WDR70: variants seen among roughly 807,000 people sequenced by gnomAD.
WDR70 encodes WD repeat-containing protein 70.
WDR70 carries 53 observed loss-of-function variants against 88.6 expected under a neutral mutation model. The observed-to-expected ratio is 0.60, with a 90% CI of 0.48 to 0.75. WDR70 has a LOEUF of 0.75. WDR70 is among the 30% of genes least tolerant of loss of function. The pLI is 0.00. For synonymous variants in WDR70, 280 were observed against 270.0 expected (o/e 1.04, Z -0.36); for missense variants, 610 against 823.2 (o/e 0.74, Z 3.17).
chr5:37,498,435 T>C (rs1321992658), intron 8 of WDR70, among the ~76,000 whole-genome samples: 1 of 152,218 alleles, frequency 6.6e-6, no homozygotes, highest in African/African-American at 2.4e-5. Flanking sequence ...TTGAGCCCTC[T>C]TTTGTATTAT....
At chr5:37,415,832 G>A (rs1414186620) in intron 5 of WDR70, among the ~76,000 whole-genome samples, 3 of 150,852 alleles carry the variant, frequency 2.0e-5, no homozygotes, top group African/African-American at 7.3e-5. Context: ...CCTCCCAGAC[G>A]GGGTCGCGGC....
intron 9 of WDR70, among the ~76,000 whole-genome samples, chr5:37,526,811 A>G (rs960425403): frequency 2.0e-5 from 3 of 152,232 alleles, no homozygotes; most frequent in Admixed American, 6.5e-5. Flanking sequence ...TCAACGTGCA[A>G]AAATCACAAG....
chr5:37,401,270 A>T (rs1430656171), intron 5 of WDR70, among the ~76,000 whole-genome samples: 1 of 143,784 alleles, frequency 7.0e-6, no homozygotes, highest in Non-Finnish European at 1.5e-5. Flanking sequence ...TTGGCCTCCC[A>T]AAGTGCTGGG....
chr5:37,397,770 G>A (rs1033353775), intron 5 of WDR70, among the ~76,000 whole-genome samples: 7 of 152,218 alleles, frequency 4.6e-5, no homozygotes, highest in East Asian at 1.9e-4. Context: ...TGAGGTGGGC[G>A]GATCACGAGG....
chr5:37,396,434 G>T lies in WDR70; in HGVS notation c.356G>T (p.Gly119Val). Residue 119 changes from glycine to valine, a missense_variant, in exon 5 of 18, where the codon GGC (glycine) becomes GTC (valine). By Grantham distance (109) the Gly-to-Val change is moderately radical. This residue lies in a region of WDR70 where 203 missense variants were observed against 228.1 expected (regional missense o/e 0.89). Transcript: ENST00000265107. ...SSDSSDDELI[G>V]PPLPPKMVGK... ...GACTCTTCTGATGATGAGTTAATTG[G>T]CCCTCCTTTACCCCCTAAAATGGTA... The T allele has an allele frequency of 2.5e-6, 4 of 1,613,864 alleles. No individual in the cohort carries two copies. The highest frequency in any genetic ancestry group is 3.4e-6 in the Non-Finnish European group (4 of 1,179,950).
At chr5:37,480,706 C>G (rs1479514043) in intron 8 of WDR70, among the ~76,000 whole-genome samples, 1 of 152,142 alleles carries the variant, frequency 6.6e-6, no homozygotes, top group African/African-American at 2.4e-5. Context: ...GGGGACACAG[C>G]CAAACCATTT....
intron 9 of WDR70, among the ~76,000 whole-genome samples, chr5:37,542,516 C>T (rs368594180): frequency 3.3e-5 from 5 of 152,008 alleles, no homozygotes; most frequent in African/African-American, 9.7e-5. Context: ...CTCCTGACCT[C>T]GTGATCCGCC....
At chr5:37,486,640 C>T (rs914289952) in intron 8 of WDR70, among the ~76,000 whole-genome samples, 5 of 152,116 alleles carry the variant, frequency 3.3e-5, no homozygotes, top group Non-Finnish European at 5.9e-5. Flanking sequence ...CCACCATGCC[C>T]GGCCTTGACT....
chr5:37,447,119 T>C (rs112037784), intron 7 of WDR70, among the ~76,000 whole-genome samples: 2,966 of 152,040 alleles, frequency 0.02, 86 homozygotes, highest in African/African-American at 0.067. Context: ...CATCAAAAAG[T>C]GGGTGAAGGA....
chr5:37,648,892 GCTT>G (rs979450945), intron 10 of WDR70, among the ~76,000 whole-genome samples: 3 of 151,906 alleles, frequency 2.0e-5, no homozygotes, highest in African/African-American at 4.8e-5. Flanking sequence ...ATTGAATTTT[GCTT>G]CTTATTAGTT....
chr5:37,444,529 G>A (rs1425126142), intron 7 of WDR70, among the ~76,000 whole-genome samples: 1 of 151,898 alleles, frequency 6.6e-6, no homozygotes, highest in East Asian at 1.9e-4. Flanking sequence ...TTTTGGTAGA[G>A]ATGGGGTTTC....
At chr5:37,397,149 C>T (rs923439822) in intron 5 of WDR70, among the ~76,000 whole-genome samples, 1 of 150,398 alleles carries the variant, frequency 6.6e-6, no homozygotes, top group Non-Finnish European at 1.5e-5. Flanking sequence ...ACCGCCCCCC[C>T]CAACCCCCCC....
chr5:37,726,947 T>C lies in WDR70; in HGVS notation c.1779T>C (p.Ala593=). ...TLSSYIVKNI[A]LDKTDDSNPR... ...CTTCCTATATTGTGAAGAACATTGC[T>C]TTGGACAAGACCGATGACAGTAATC... The change falls in exon 17 of 18, where the codon GCT becomes GCC. Residue 593 remains alanine, a synonymous_variant. Transcript: ENST00000265107. The C allele has an allele frequency of 1.2e-6, 2 of 1,612,104 alleles. No homozygotes were observed. Among genetic ancestry groups the C allele is most frequent in the Non-Finnish European group, 1.7e-6 (2 of 1,179,196 alleles).
Position 37,605,110 on chromosome 5 carries a change from G to A in WDR70, c.964G>A (p.Val322Met). 6.2e-7 allele frequency: 1 copy of A among 1,612,262 alleles called. No individual in the cohort carries two copies. The highest frequency in any genetic ancestry group is 8.5e-7 in the Non-Finnish European group (1 of 1,179,080). The change falls in exon 10 of 18, where the codon GTG becomes ATG. Residue 322 changes from valine (V) to methionine (M), a missense_variant. Physicochemically the swap from Val to Met is conservative, Grantham distance 21 (BLOSUM62 1). This residue lies in a region of WDR70 where 254 missense variants were observed against 300.7 expected (regional missense o/e 0.84). Coordinates refer to ENST00000265107, the MANE Select transcript of WDR70 (RefSeq NM_018034.4). ...TGAAAATCCAAAGAAGCAAAAAAGT[G>A]TGTTTAAACCACGGACGATGCAAGG... ...EVENPKKQKS[V>M]FKPRTMQGKK...
intron 7 of WDR70, among the ~76,000 whole-genome samples, chr5:37,475,203 AG>A (rs142410542): frequency 6.6e-6 from 1 of 150,744 alleles, no homozygotes; most frequent in Admixed American, 6.6e-5. Flanking sequence ...TATAGGTGTG[AG>A]CCACGGTACC....
At chr5:37,405,800 C>G (rs1051745441) in intron 5 of WDR70, among the ~76,000 whole-genome samples, 1 of 152,112 alleles carries the variant, frequency 6.6e-6, no homozygotes, top group African/African-American at 2.4e-5. Context: ...AATCTCAGCA[C>G]TTTAGGAGCT....
intron 10 of WDR70, among the ~76,000 whole-genome samples, chr5:37,648,152 G>T (rs1186265910): frequency 6.6e-6 from 1 of 152,112 alleles, no homozygotes; most frequent in African/African-American, 2.4e-5. Context: ...ATAGGGTGAG[G>T]CTCAGCCATT....
intron 8 of WDR70, among the ~76,000 whole-genome samples, chr5:37,490,855 T>A (rs2112191520): frequency 6.6e-6 from 1 of 152,236 alleles, no homozygotes; most frequent in Non-Finnish European, 1.5e-5. Context: ...TCTGCTGTGC[T>A]GGGTCCAACT....
intron 9 of WDR70, among the ~76,000 whole-genome samples, chr5:37,582,619 A>G (rs1448002469): frequency 2.6e-5 from 4 of 152,218 alleles, no homozygotes; most frequent in Non-Finnish European, 5.9e-5. Flanking sequence ...TCATCTCTCA[A>G]ATGGGGATAA....
Sources: gnomAD v4.1 joint callset for allele counts (sites outside exome capture counted in the v4.1 genomes callset) on GRCh38, gnomAD v4.1.1 for gene constraint, gnomAD v4.1.1 regional missense constraint, MANE v1.5 for transcripts, NCBI Gene and HGNC (gene_info 2026-07-23, HGNC 2026-07-21) for gene names.